CAMTA1: variants seen among roughly 807,000 people sequenced by gnomAD.
The protein encoded by CAMTA1 is calmodulin-binding transcription activator 1.
CAMTA1 carries 27 observed loss-of-function variants against 170.9 expected under a neutral mutation model. The ratio of observed to expected loss-of-function variants is 0.16; its 90% CI spans 0.12 to 0.22. The LOEUF (loss-of-function observed/expected upper bound fraction) is 0.22. Among genes scored for constraint, CAMTA1 ranks in the 10% least tolerant of loss-of-function variants. The pLI, the probability that CAMTA1 is intolerant of heterozygous loss-of-function variation, is 1.00. For missense variants in CAMTA1, 1,619 were observed against 2,217.2 expected (o/e 0.73, Z 5.42); for synonymous variants, 833 against 891.5 (o/e 0.93, Z 1.17).
In CAMTA1 at chr1:7,224,995, G is replaced by C. The variant is rs962756133; in HGVS notation, c.303-24496G>C. Among the ~76,000 whole-genome samples the C allele has an allele frequency of 1.3e-3, 191 of 152,334 alleles. 2 individuals are homozygous for C. The highest frequency in any genetic ancestry group is 4.0e-3 in the African/African-American group (168 of 41,590). ...CTCCTTGACTGAGATGAGGAGGCTG[G>C]AGGAGAGGCTAGGAAGAGTCAGGAA... On this transcript the variant is annotated intron_variant, in intron 4 of 22. Coordinates refer to ENST00000303635, the MANE Select transcript of CAMTA1 (RefSeq NM_015215.4). This position sits in a 1 kb window ranked among gnomAD's most constrained non-coding sequence, Gnocchi z 5.2.
intron 6 of CAMTA1, among the ~76,000 whole-genome samples, chr1:7,487,918 G>A (rs980028869): frequency 7.0e-4 from 106 of 152,294 alleles, no homozygotes; most frequent in African/African-American, 2.4e-3. Context: ...CCCAGGCCCT[G>A]CTGGGAGCAT....
intron 16 of CAMTA1, among the ~76,000 whole-genome samples, chr1:7,739,610 C>G (rs1288017600): frequency 6.6e-6 from 1 of 152,156 alleles, no homozygotes; most frequent in African/African-American, 2.4e-5. Context: ...AGGCGAAAGT[C>G]ACATCTTATA....
chr1:7,238,760 G>A (rs1277327108), intron 4 of CAMTA1, among the ~76,000 whole-genome samples: 1 of 152,212 alleles, frequency 6.6e-6, no homozygotes, highest in Admixed American at 6.5e-5. Flanking sequence ...GCATGTACCT[G>A]TAATCCCAGC....
intron 3 of CAMTA1, among the ~76,000 whole-genome samples, chr1:6,836,881 C>G (rs753874325): frequency 3.3e-5 from 5 of 151,938 alleles, no homozygotes; most frequent in Non-Finnish European, 7.4e-5. Flanking sequence ...CCAGGCCAAG[C>G]CTCTTGAGGA....
At chr1:7,721,015 G>A (rs1046740229) in intron 11 of CAMTA1, among the ~76,000 whole-genome samples, 2 of 152,208 alleles carry the variant, frequency 1.3e-5, no homozygotes, top group African/African-American at 2.4e-5. Flanking sequence ...GAGTTTGGAT[G>A]ACCTCATCAA....
At chr1:7,606,601 GA>G (rs1287375940) in intron 6 of CAMTA1, among the ~76,000 whole-genome samples, 1 of 152,246 alleles carries the variant, frequency 6.6e-6, no homozygotes, top group African/African-American at 2.4e-5. Flanking sequence ...GGACTCGTTT[GA>G]AATGTTCTTT....
intron 5 of CAMTA1, among the ~76,000 whole-genome samples, chr1:7,465,043 C>A (rs2093178386): frequency 6.6e-6 from 1 of 152,178 alleles, no homozygotes; most frequent in African/African-American, 2.4e-5. Context: ...ACCCTTTAAG[C>A]CCTAAATGTA....
chr1:7,498,632 G>A (rs1013173092), intron 6 of CAMTA1, among the ~76,000 whole-genome samples: 11 of 151,128 alleles, frequency 7.3e-5, no homozygotes, highest in Admixed American at 3.3e-4. Context: ...GTGTGTATGA[G>A]TGTGCATGCA....
chr1:7,245,285 A>G (rs1482304443), intron 4 of CAMTA1, among the ~76,000 whole-genome samples: 1 of 151,344 alleles, frequency 6.6e-6, no homozygotes, highest in Non-Finnish European at 1.5e-5. Flanking sequence ...TTGGCTGATA[A>G]TCTATAAGCC....
At chr1:7,525,670 G>T (rs1470412384) in intron 6 of CAMTA1, among the ~76,000 whole-genome samples, 8 of 152,112 alleles carry the variant, frequency 5.3e-5, no homozygotes, top group African/African-American at 1.9e-4. Context: ...CAGGTATCAA[G>T]AGATACGGGG....
intron 6 of CAMTA1, among the ~76,000 whole-genome samples, chr1:7,470,861 C>T (rs57001000): frequency 0.018 from 2,676 of 152,308 alleles, 61 homozygotes; most frequent in African/African-American, 0.059. Flanking sequence ...TTAGTGGGCA[C>T]GTCTGCCTAT....
intron 4 of CAMTA1, among the ~76,000 whole-genome samples, chr1:7,109,498 T>C (rs1197261656): frequency 1.3e-5 from 2 of 152,214 alleles, no homozygotes; most frequent in Non-Finnish European, 2.9e-5. Context: ...GCATGATCCA[T>C]TGATGCCCAG....
At chr1:7,765,300 C>T (rs891234844) in intron 22 of CAMTA1, among the ~76,000 whole-genome samples, 1 of 152,178 alleles carries the variant, frequency 6.6e-6, no homozygotes, top group Non-Finnish European at 1.5e-5. Flanking sequence ...ACTCTTACAG[C>T]AGACAGCAGC....
chr1:7,077,228 T>TG (rs1395628024), intron 3 of CAMTA1, among the ~76,000 whole-genome samples: 1 of 148,788 alleles, frequency 6.7e-6, no homozygotes, highest in African/African-American at 2.6e-5. Flanking sequence ...GGAAAGGTTT[T>TG]TTTTTTTTTT....
At chr1:7,229,240 C>T (rs1387739648) in intron 4 of CAMTA1, among the ~76,000 whole-genome samples, 2 of 151,382 alleles carry the variant, frequency 1.3e-5, no homozygotes, top group Non-Finnish European at 2.9e-5. Context: ...CGGCTTTGCC[C>T]TGGCACTGTG....
At chr1:7,754,194 C>T (rs926800894) in intron 21 of CAMTA1, among the ~76,000 whole-genome samples, 31 of 152,332 alleles carry the variant, frequency 2.0e-4, no homozygotes, top group Non-Finnish European at 3.5e-4. Context: ...ACTTTGGCCA[C>T]TTTGAGCAGA....
intron 6 of CAMTA1, among the ~76,000 whole-genome samples, chr1:7,483,777 G>A (rs1004164192): frequency 2.0e-5 from 3 of 152,102 alleles, no homozygotes; most frequent in Non-Finnish European, 4.4e-5. Flanking sequence ...GCTGACTGGA[G>A]GACTCCTCAG....
At chr1:7,335,177 A>C (rs2083306488) in intron 5 of CAMTA1, among the ~76,000 whole-genome samples, 3 of 41,270 alleles carry the variant, frequency 7.3e-5, no homozygotes, top group Non-Finnish European at 1.2e-4. Context: ...GGGGTGTCAG[A>C]CCCCGAGGCT....
chr1:7,594,100 G>GAAGAAAGAAAGAGAGAAAGAAAGA (rs1313239145), intron 6 of CAMTA1, among the ~76,000 whole-genome samples: 5 of 128,912 alleles, frequency 3.9e-5, no homozygotes, highest in African/African-American at 2.1e-4. Flanking sequence ...AGAGAGGAAA[G>GAAGAAAGAAAGAGAGAAAGAAAGA]AAGAAAGAAA....
Sources: allele counts gnomAD v4.1 joint callset (sites outside exome capture counted in the v4.1 genomes callset), GRCh38; gene constraint gnomAD v4.1.1; non-coding constraint Gnocchi (gnomAD v3.1); transcripts MANE v1.5; gene names NCBI Gene and HGNC (gene_info 2026-07-23, HGNC 2026-07-21).